Variants in ZRANB3 observed in about 807,000 individuals in gnomAD.
ZRANB3 encodes the protein DNA annealing helicase and endonuclease ZRANB3.
A neutral mutation model predicts 133.8 loss-of-function variants in ZRANB3; 125 were observed. The ratio of observed to expected loss-of-function variants is 0.93; its 90% CI spans 0.81 to 1.08. The LOEUF is 1.08. Among genes scored for constraint, ZRANB3 ranks in the 50% least tolerant of loss-of-function variants. ZRANB3 has a pLI of 0.00. For missense variants in ZRANB3, 1,229 were observed against 1,275.5 expected (o/e 0.96, Z 0.56); for synonymous variants, 387 against 432.7 (o/e 0.89, Z 1.31).
chr2:135,271,429 G>C (rs781333772), intron 10 of ZRANB3: 1 of 477,828 alleles, frequency 2.1e-6, no homozygotes. Context: ...TGAAGGGTTG[G>C]ATATAAGACA....
chr2:135,277,922 C>CA lies in ZRANB3; in HGVS notation c.967-2168dup, dbSNP rs1302120173. Among the ~76,000 whole-genome samples the CA allele has an allele frequency of 8.0e-3, 512 of 64,280 alleles. 1 individual carries two copies. Among genetic ancestry groups the CA allele is most frequent in the African/African-American group, 0.023 (373 of 16,482 alleles). 42.2% of individuals were successfully genotyped at this position (64,280 alleles called of 152,430 possible). On this transcript the variant is annotated intron_variant, in intron 8 of 20. Transcript: ENST00000264159. The stretch of plus-strand genomic sequence containing the variant: ...CCTGGGCAACAGTGAGACTCTGTCT[C>CA]AAAAAAAAAACAAAAAAAAAAAACA...
At position 135,229,430 on chromosome 2, in the gene ZRANB3, C is replaced by T. The variant is rs545223863; in HGVS notation, c.1954+1083G>A. Among the ~76,000 whole-genome samples the T allele has an allele frequency of 1.1e-3, 163 of 149,418 alleles. 1 individual carries two copies. Among genetic ancestry groups the T allele is most frequent in the African/African-American group, 3.8e-3 (153 of 40,374 alleles). On this transcript the variant is annotated intron_variant, in intron 13 of 20. Coordinates refer to ENST00000264159, the MANE Select transcript of ZRANB3 (RefSeq NM_032143.4). The stretch of plus-strand genomic sequence containing the variant: ...TTGCCCAGCCTGGAGTGCAGTGGCG[C>T]GATCTCGGCTCACTGCAAGCTCCGC...
intron 18 of ZRANB3, 83 bp downstream of exon 18, chr2:135,208,785 T>G: frequency 3.2e-6 from 4 of 1,231,426 alleles, no homozygotes; most frequent in Non-Finnish European, 4.7e-6. Flanking sequence ...CATGCAAAGG[T>G]GAGATATTAT....
chr2:135,308,030 C>T (rs981799302), intron 8 of ZRANB3, among the ~76,000 whole-genome samples: 6 of 152,088 alleles, frequency 3.9e-5, no homozygotes, highest in African/African-American at 1.4e-4. Context: ...GTGTTAAGTT[C>T]ATAGTGGGGG....
At position 135,313,490 on chromosome 2, in the gene ZRANB3, T is replaced by C. The variant is rs1683101270; in HGVS notation, c.965A>G (p.Lys322Arg). The C allele has an allele frequency of 1.2e-6, 2 of 1,602,940 alleles. No individual in the cohort carries two copies. The highest frequency in any genetic ancestry group is 1.3e-5 in the African/African-American group (1 of 74,810). Residue 322 changes from lysine (K) to arginine (R), a missense_variant and splice_region_variant, in exon 8 of 21, where the codon AAG becomes AGG. Coordinates refer to ENST00000264159, the MANE Select transcript of ZRANB3 (RefSeq NM_032143.4). ...ACATGATGGCCCAGCAAAGAGTACC[T>C]TGGCAATAGCAGTTTGTTTAAACAT... is the stretch of plus-strand genomic sequence containing the variant. Reference protein sequence around the residue: ...TRMFKQTAIAKAGAVKDYIKM... With the variant: ...TRMFKQTAIARAGAVKDYIKM...
At chr2:135,403,701 C>T (rs540384793) in intron 2 of ZRANB3, among the ~76,000 whole-genome samples, 10 of 152,282 alleles carry the variant, frequency 6.6e-5, no homozygotes, top group South Asian at 2.1e-4. Flanking sequence ...GAGGCACCCC[C>T]GAGTAGGGGC....
intron 2 of ZRANB3, among the ~76,000 whole-genome samples, chr2:135,442,842 C>T (rs533030712): frequency 3.4e-4 from 51 of 152,090 alleles, no homozygotes; most frequent in South Asian, 1.0e-3. Flanking sequence ...GTGGGCTGGG[C>T]GCAGTGGCTC....
At chr2:135,416,908 G>A (rs529933388) in intron 2 of ZRANB3, among the ~76,000 whole-genome samples, 2,122 of 152,298 alleles carry the variant, frequency 0.014, 24 homozygotes, top group Middle Eastern at 0.044. Flanking sequence ...CTAGCCATAT[G>A]TAAAAAGCTG....
At chr2:135,511,499 ACTC>A in intron 1 of ZRANB3, 2 of 917,826 alleles carry the variant, frequency 2.2e-6, no homozygotes, top group Admixed American at 3.4e-5. Flanking sequence ...ACTTCTTCAG[ACTC>A]CTCCTGAGGC....
chr2:135,387,459 A>C (rs1687032561), intron 3 of ZRANB3, among the ~76,000 whole-genome samples: 1 of 152,346 alleles, frequency 6.6e-6, no homozygotes, highest in Non-Finnish European at 1.5e-5. Flanking sequence ...CTGGCATGGT[A>C]AGATTCCATA....
At chr2:135,206,138 A>G (rs961076480) in intron 19 of ZRANB3, among the ~76,000 whole-genome samples, 30 of 152,222 alleles carry the variant, frequency 2.0e-4, no homozygotes, top group African/African-American at 7.0e-4. Flanking sequence ...TAAAAAAGGA[A>G]TGGGGTGCTA....
intron 3 of ZRANB3, among the ~76,000 whole-genome samples, chr2:135,368,127 C>T (rs1232215731): frequency 6.6e-6 from 1 of 152,034 alleles, no homozygotes; most frequent in East Asian, 1.9e-4. Context: ...ATGCTAGTCA[C>T]ATTCCTAATT....
At chr2:135,448,003 A>G (rs1318271904) in intron 2 of ZRANB3, among the ~76,000 whole-genome samples, 2 of 152,172 alleles carry the variant, frequency 1.3e-5, no homozygotes, top group African/African-American at 4.8e-5. Context: ...TACAAAGATG[A>G]AGAGTTGCCA....
At chr2:135,344,414 C>T (rs1485786891) in intron 6 of ZRANB3, among the ~76,000 whole-genome samples, 2 of 152,092 alleles carry the variant, frequency 1.3e-5, no homozygotes, top group Non-Finnish European at 2.9e-5. Flanking sequence ...TAAATAAATT[C>T]TAAACAGTAG....
intron 3 of ZRANB3, among the ~76,000 whole-genome samples, chr2:135,369,002 C>T (rs1312450143): frequency 6.6e-6 from 1 of 151,722 alleles, no homozygotes; most frequent in Non-Finnish European, 1.5e-5. Context: ...TGTAAACTCA[C>T]TTAGGACAGA....
At chr2:135,437,994 A>G (rs1689618877) in intron 2 of ZRANB3, among the ~76,000 whole-genome samples, 1 of 152,116 alleles carries the variant, frequency 6.6e-6, no homozygotes, top group Non-Finnish European at 1.5e-5. Flanking sequence ...TGTCTGCTTG[A>G]GCTGGGAAAT....
intron 2 of ZRANB3, among the ~76,000 whole-genome samples, chr2:135,450,972 A>G (rs542435692): frequency 1.3e-5 from 2 of 152,338 alleles, no homozygotes; most frequent in African/African-American, 4.8e-5. Flanking sequence ...GCACAGGTAA[A>G]GAATCACTTG....
At chr2:135,348,857 G>A (rs1264583776) in intron 5 of ZRANB3, among the ~76,000 whole-genome samples, 1 of 152,136 alleles carries the variant, frequency 6.6e-6, no homozygotes, top group African/African-American at 2.4e-5. Flanking sequence ...GCTTCCCAAA[G>A]TGCTGGGATT....
chr2:135,266,673 G>A (rs1468317853), intron 11 of ZRANB3, among the ~76,000 whole-genome samples: 1 of 151,564 alleles, frequency 6.6e-6, no homozygotes, highest in East Asian at 2.0e-4. Flanking sequence ...GCTGAGGCAG[G>A]AGAATCGCTT....
Sources: gnomAD v4.1 joint callset for allele counts (sites outside exome capture counted in the v4.1 genomes callset) on GRCh38, gnomAD v4.1.1 for gene constraint, MANE v1.5 for transcripts, NCBI Gene and HGNC (gene_info 2026-07-23, HGNC 2026-07-21) for gene names.